The following ISYNA1 variants were observed in gnomAD, a reference collection of about 807,000 sequenced individuals.
ISYNA1 encodes MI-1-P synthase.
ISYNA1 carries 34 observed loss-of-function variants against 50.3 expected under a neutral mutation model. The ratio of observed to expected loss-of-function variants is 0.68; its 90% confidence interval spans 0.51 to 0.90. The LOEUF is 0.90. ISYNA1 is among the 40% of genes least tolerant of loss of function. The probability of loss-of-function intolerance (pLI) is 0.00; values close to 1 mark genes in which losing one functional copy is unlikely to be tolerated. For synonymous variants in ISYNA1, 396 were observed against 349.9 expected, an observed-to-expected ratio of 1.13 and a Z score of -1.47; for missense variants, 718 against 784.8, an observed-to-expected ratio of 0.91 and a Z score of 1.02.
chr19:18,436,523 T>C (rs761781680), intron 5 of ISYNA1, 44 bp from the exon 6 acceptor site: 2 of 1,600,990 alleles, frequency 1.2e-6, no homozygotes, highest in Non-Finnish European at 1.7e-6. Context: ...GGAGAGGGTG[T>C]AGGGAAGTTG....
In ISYNA1 at chr19:18,434,616, G is replaced by T; in HGVS notation, c.*297C>A. 1.8e-6 allele frequency: 1 copy of T among 554,978 alleles called. No individual in the cohort carries two copies. Among genetic ancestry groups the T allele is most frequent in the Non-Finnish European group, 3.2e-6 (1 of 311,596 alleles). 34.4% of individuals were successfully genotyped at this position (554,978 alleles called of 1,614,324 possible). On this transcript the variant is annotated 3_prime_UTR_variant, in exon 11 of 11. Transcript: ENST00000338128. The stretch of plus-strand genomic sequence containing the variant: ...CTGCCACCACACTCTCCACCCTGTG[G>T]TCTTGTTCCGTCCCCGCCCCCATCT...
At position 18,436,676 on chromosome 19, in the gene ISYNA1, G is replaced by A. The variant is rs144717477; in HGVS notation, c.609+8C>T. 6,317 of 1,573,706 alleles carry A rather than the reference G, an allele frequency of 4.0e-3. 15 individuals are homozygous for A. Among genetic ancestry groups the A allele is most frequent in the Middle Eastern group, 5.7e-3 (34 of 5,980 alleles). On this transcript the variant is annotated splice_region_variant and intron_variant, in intron 5 of 10. Coordinates refer to ENST00000338128, the MANE Select transcript of ISYNA1 (RefSeq NM_016368.5). ...GCAGGAAGCAAGGGATGCGGGATGGGACAGCACCTGCTGCGCACGCGAGCC... is the reference window on the plus strand; with the variant it reads ...GCAGGAAGCAAGGGATGCGGGATGGAACAGCACCTGCTGCGCACGCGAGCC...
chr19:18,435,519 G>A (rs754126642), intron 9 of ISYNA1, 36 bp from the exon 10 acceptor site: 1 of 1,604,486 alleles, frequency 6.2e-7, no homozygotes, highest in Non-Finnish European at 8.5e-7. Flanking sequence ...GGGGGCGGTG[G>A]CCAAGCCCTG....
In ISYNA1 at chr19:18,435,564, TCA is replaced by T. The variant is rs1491341664; in HGVS notation, c.1251_1252del (p.Cys417Ter). ...GCAGCCCCTGAAGCCGCGCCGCACC[TCA>T]CACGTGTTGTGCAGCACCAGTGTGT... On this transcript the variant is annotated stop_gained and frameshift_variant and splice_region_variant, in exon 9 of 11. Coordinates refer to ENST00000338128, the MANE Select transcript of ISYNA1 (RefSeq NM_016368.5). LOFTEE classifies it high-confidence loss of function. 5 of 1,605,574 alleles carry T rather than the reference TCA, an allele frequency of 3.1e-6. No individual in the cohort carries two copies. Among genetic ancestry groups the T allele is most frequent in the South Asian group, 2.2e-5 (2 of 90,108 alleles).
chr19:18,434,983 G>A lies in ISYNA1; in HGVS notation c.1607C>T (p.Ala536Val), dbSNP rs1391004263. ...PMLNKKGPVP[A>V]ATNGCTGDAN... Reference sequence around the variant, plus strand: ...ATCACCGGTGCAGCCATTGGTGGCAGCGGGTACCGGTCCTTTCTTGTTCAA... The same window carrying A: ...ATCACCGGTGCAGCCATTGGTGGCAACGGGTACCGGTCCTTTCTTGTTCAA... Residue 536 changes from alanine to valine, a missense_variant, in exon 11 of 11, where the codon GCT (alanine) becomes GTT (valine). Ala to Val is a moderately conservative substitution (Grantham distance 64). Transcript: ENST00000338128. The A allele has an allele frequency of 6.2e-7, 1 of 1,613,516 alleles. No individual in the cohort carries two copies. The highest frequency in any genetic ancestry group is 8.5e-7 in the Non-Finnish European group (1 of 1,180,014).
At position 18,438,118 on chromosome 19, in the gene ISYNA1, G is replaced by T; in HGVS notation, c.-35C>A. The T allele has an allele frequency of 2.1e-6, 2 of 930,848 alleles. No individual in the cohort carries two copies. Among genetic ancestry groups the T allele is most frequent in the Non-Finnish European group, 1.5e-6 (1 of 670,814 alleles). The allele number at this position is 930,848 out of a possible 1,614,324, so 57.7% of individuals were successfully genotyped here. ...CGGCGCAGAGTCGACTCAGGCAGCGGCGGCGGACAGCGCGGGCTCTCGGGC... is the reference window on the plus strand; with the variant it reads ...CGGCGCAGAGTCGACTCAGGCAGCGTCGGCGGACAGCGCGGGCTCTCGGGC... On this transcript the variant is annotated 5_prime_UTR_variant, in exon 1 of 11. Transcript: ENST00000338128.
intron 5 of ISYNA1, 78 bp downstream of exon 5, chr19:18,436,606 G>C (rs768913421): frequency 6.3e-7 from 1 of 1,598,284 alleles, no homozygotes; most frequent in African/African-American, 1.3e-5. Context: ...GCCTGGATTC[G>C]CGGGGTGGGG....
rs551854137 is a variant in ISYNA1, at chr19:18,434,428, C to T, written c.*485G>A. 50 of 1,183,344 alleles carry T rather than the reference C, an allele frequency of 4.2e-5. No individual in the cohort carries two copies. The highest frequency in any genetic ancestry group is 4.2e-5 in the Non-Finnish European group (37 of 891,396). 73.3% of individuals were successfully genotyped at this position (1,183,344 alleles called of 1,614,324 possible). ...ATTAAAAACGCAAGGACCTCAGAGACGTTCTTTTCTGTATGGACCCTTCCT... is the reference window on the plus strand; with the variant it reads ...ATTAAAAACGCAAGGACCTCAGAGATGTTCTTTTCTGTATGGACCCTTCCT... On this transcript the variant is annotated 3_prime_UTR_variant, in exon 11 of 11. Coordinates refer to ENST00000338128, the MANE Select transcript of ISYNA1 (RefSeq NM_016368.5).
chr19:18,435,646 C>CA lies in ISYNA1; in HGVS notation c.1170dup (p.Asp391Ter). 6.2e-7 allele frequency: 1 copy of CA among 1,611,706 alleles called. No homozygotes were observed. The highest frequency in any genetic ancestry group is 8.5e-7 in the Non-Finnish European group (1 of 1,179,224). On this transcript the variant is annotated frameshift_variant, in exon 9 of 11. Coordinates refer to ENST00000338128, the MANE Select transcript of ISYNA1 (RefSeq NM_016368.5). LOFTEE classifies it high-confidence loss of function. ...TACTCATCCAGCGCGCGCTTGCTGT[C>CA]ACCCACGTACGGCACATACTTGATG...
chr19:18,436,016 C>T lies in ISYNA1; in HGVS notation c.975+16G>A. On this transcript the variant is annotated intron_variant, in intron 7 of 10. Coordinates refer to ENST00000338128, the MANE Select transcript of ISYNA1 (RefSeq NM_016368.5). ...GGCCCCCTTCCTGCACTCGGCAGCT[C>T]CCTAGGCCCACGCACCTTGAGGCCG... 4 of 1,613,340 alleles carry T rather than the reference C, an allele frequency of 2.5e-6. No individual in the cohort carries two copies. The highest frequency in any genetic ancestry group is 2.2e-5 in the East Asian group (1 of 44,880).
rs1294108587 is a variant in ISYNA1, at chr19:18,437,968, G to A, written c.12C>T (p.Ala4=). The A allele has an allele frequency of 1.9e-6, 3 of 1,585,250 alleles. No homozygotes were observed. The highest frequency in any genetic ancestry group is 2.6e-6 in the Non-Finnish European group (3 of 1,167,558). The change falls in exon 2 of 11, where the codon GCC becomes GCT. Residue 4 remains alanine, a synonymous_variant. Transcript: ENST00000338128. ...CCGGGCTCTCGACGAAGAACTGGGC[G>A]GCGGCCTCCATCGCGGCGGGCTGGG... MEA[A]AQFFVESPDV...
Position 18,435,771 on chromosome 19 carries a change from C to G in ISYNA1, c.1126G>C (p.Glu376Gln). ...GCCCCACGCACGCAGTGGTCAGGCT[C>G]TTCGCCGGGCGTATAGAGCACTGGG... is the stretch of plus-strand genomic sequence containing the variant. Reference protein sequence around the residue: ...SNPVLYTPGEEPDHCVVIKYV... With the variant: ...SNPVLYTPGEQPDHCVVIKYV... Residue 376 changes from glutamate (E) to glutamine (Q), a missense_variant, in exon 8 of 11, where the codon GAG (glutamate) becomes CAG (glutamine). Glu to Gln is a conservative substitution (Grantham distance 29). Coordinates refer to ENST00000338128, the MANE Select transcript of ISYNA1 (RefSeq NM_016368.5). 2 of 1,613,328 alleles carry G rather than the reference C, an allele frequency of 1.2e-6. No individual in the cohort carries two copies. Among genetic ancestry groups the G allele is most frequent in the Non-Finnish European group, 1.7e-6 (2 of 1,179,848 alleles).
In ISYNA1 at chr19:18,435,488, G is replaced by C; in HGVS notation, c.1255-5C>G. 1 of 1,608,182 alleles carries C rather than the reference G, an allele frequency of 6.2e-7. No homozygotes were observed. Among genetic ancestry groups the C allele is most frequent in the Non-Finnish European group, 8.5e-7 (1 of 1,179,402 alleles). Reference sequence around the variant, plus strand: ...GGGTGCGGCCAGCAGCGAGTCCTGCGGGGCGGGTGGGTCAGGAGATGGGGG... The same window carrying C: ...GGGTGCGGCCAGCAGCGAGTCCTGCCGGGCGGGTGGGTCAGGAGATGGGGG... On this transcript the variant is annotated splice_region_variant and splice_polypyrimidine_tract_variant and intron_variant, in intron 9 of 10. Transcript: ENST00000338128.
At position 18,434,996 on chromosome 19, in the gene ISYNA1, C is replaced by T. The variant is rs980191950; in HGVS notation, c.1594G>A (p.Gly532Arg). 1.2e-6 allele frequency: 2 copies of T among 1,613,432 alleles called. No individual in the cohort carries two copies. Among genetic ancestry groups the T allele is most frequent in the Non-Finnish European group, 1.7e-6 (2 of 1,179,996 alleles). ...AATYPMLNKK[G>R]PVPAATNGCT... ...CCATTGGTGGCAGCGGGTACCGGTC[C>T]TTTCTTGTTCAACATAGGGTAGGTG... The change falls in exon 11 of 11, where the codon GGA (glycine) becomes AGA (arginine). Residue 532 changes from glycine to arginine, a missense_variant. Around this residue, in one of 3 missense-constraint regions of ISYNA1, gnomAD observed 305 missense variants for 292.6 expected, o/e 1.04. Coordinates refer to ENST00000338128, the MANE Select transcript of ISYNA1 (RefSeq NM_016368.5).
chr19:18,436,606 G>A (rs768913421), intron 5 of ISYNA1, 78 bp downstream of exon 5: 3 of 1,598,166 alleles, frequency 1.9e-6, no homozygotes, highest in South Asian at 2.2e-5. Flanking sequence ...GCCTGGATTC[G>A]CGGGGTGGGG....
chr19:18,438,061 C>T (rs1306955486), intron 1 of ISYNA1, 32 bp downstream of exon 1: 2 of 1,420,982 alleles, frequency 1.4e-6, no homozygotes, highest in Admixed American at 2.3e-5. Context: ...TGGGTCCCCA[C>T]GGAGGCCGTC....
In ISYNA1 at chr19:18,435,578, C is replaced by G; in HGVS notation, c.1239G>C (p.Leu413=). ...CGCGCCGCACCTCACACGTGTTGTG[C>G]AGCACCAGTGTGTTGGTTCCGCCCA... The part of the protein sequence containing the change: ...LMLGGTNTLV[L]HNTCEDSLLA... Residue 413 remains leucine, a synonymous_variant, in exon 9 of 11, where the codon CTG becomes CTC. Transcript: ENST00000338128. 1 of 1,607,866 alleles carries G rather than the reference C, an allele frequency of 6.2e-7. No individual in the cohort carries two copies. Among genetic ancestry groups the G allele is most frequent in the Non-Finnish European group, 8.5e-7 (1 of 1,177,510 alleles).
rs767980237 is a variant in ISYNA1, at chr19:18,435,405, C to T, written c.1333G>A (p.Asp445Asn). 1 of 1,611,354 alleles carries T rather than the reference C, an allele frequency of 6.2e-7. No homozygotes were observed. Among genetic ancestry groups the T allele is most frequent in the Non-Finnish European group, 8.5e-7 (1 of 1,179,944 alleles). The change falls in exon 10 of 11, where the codon GAC becomes AAC. Residue 445 changes from aspartate to asparagine, a missense_variant. Around this residue, in one of 3 missense-constraint regions of ISYNA1, gnomAD observed 305 missense variants for 292.6 expected, o/e 1.04. Coordinates refer to ENST00000338128, the MANE Select transcript of ISYNA1 (RefSeq NM_016368.5). Reference protein sequence around the residue: ...ELCQRVSFCTDMDPEPQTFHP... With the variant: ...ELCQRVSFCTNMDPEPQTFHP... ...AAGGTCTGCGGCTCGGGGTCCATGT[C>T]AGTGCAGAAGCTCACGCGCTGGCAC...
In ISYNA1 at chr19:18,435,728, C is replaced by CCCCGCG. The variant is rs757165724; in HGVS notation, c.1140+23_1140+28dup. 3,947 of 1,611,048 alleles carry CCCCGCG rather than the reference C, an allele frequency of 2.4e-3. 52 individuals carry two copies. Among genetic ancestry groups the CCCCGCG allele is most frequent in the South Asian group, 0.018 (1,600 of 91,004 alleles). ...GTCCCTGCCACCCCTCGCCGGGCAA[C>CCCCGCG]CCCGCGCCCGCGCCCGCGCCCCACG... On this transcript the variant is annotated intron_variant, in intron 8 of 10. Transcript: ENST00000338128.
Sources: gnomAD v4.1 joint callset for allele counts on GRCh38, gnomAD v4.1.1 for gene constraint, gnomAD v4.1.1 regional missense constraint, MANE v1.5 for transcripts, NCBI Gene and HGNC (gene_info 2026-07-23, HGNC 2026-07-21) for gene names.